LZTFL1: variants seen among roughly 807,000 people sequenced by gnomAD.
The protein encoded by LZTFL1 is leucine zipper transcription factor like 1.
Under a neutral mutation model 45.9 loss-of-function variants are expected in LZTFL1, and 25 were observed. The observed-to-expected ratio is 0.54, with a 90% CI of 0.40 to 0.76. LZTFL1 has a LOEUF of 0.76. LZTFL1 is among the 30% of genes least tolerant of loss of function. The probability of loss-of-function intolerance (pLI) is 0.00; values close to 1 mark genes in which losing one functional copy is unlikely to be tolerated. For missense variants in LZTFL1, 277 were observed against 331.1 expected, an observed-to-expected ratio of 0.84 and a Z score of 1.27; for synonymous variants, 93 against 117.4, an observed-to-expected ratio of 0.79 and a Z score of 1.35.
rs1047753659 is a variant in LZTFL1 at position 45,841,884 on chromosome 3, C to T, written c.3+105G>A. The T allele has an allele frequency of 4.1e-6, 6 of 1,446,420 alleles. No individual in the cohort carries two copies. In the African/African-American group the frequency reaches 8.4e-5, roughly 20 times the overall value. The allele number at this position is 1,446,420 out of a possible 1,614,324, so 89.6% of individuals were successfully genotyped here. A position where few individuals can be genotyped will look rare whatever the true frequency, so the allele number is the denominator to read the frequency against. On this transcript the variant is annotated intron_variant, in intron 1 of 9. Coordinates refer to ENST00000296135, the MANE Select transcript of LZTFL1 (RefSeq NM_020347.4). ...TCAGGGAGGCTGAGGTGCGGCCAGA[C>T]CCAACGAGGCCACGTAATCATTCCG...
chr3:45,852,414 A>G (rs1379890201), intron 4 of LZTFL1, among the ~76,000 whole-genome samples: 1 of 152,256 alleles, frequency 6.6e-6, no homozygotes, highest in Non-Finnish European at 1.5e-5. Context: ...GTCTTGAGAT[A>G]GTTTAAATGA....
upstream of LZTFL1, chr3:45,842,300 G>T: frequency 1.4e-6 from 1 of 733,486 alleles, no homozygotes; most frequent in South Asian, 1.9e-5. Flanking sequence ...GTTGCAGAAG[G>T]TAGCGGGAGG....
intron 2 of LZTFL1, chr3:45,886,359 A>G (rs1701980982): frequency 6.6e-6 from 1 of 152,232 alleles, no homozygotes; most frequent in African/African-American, 2.4e-5. Context: ...TCTTCAGATG[A>G]GACAGTTTCC....
intron 2 of LZTFL1, among the ~76,000 whole-genome samples, chr3:45,899,064 G>C (rs1036851082): frequency 6.6e-6 from 1 of 152,220 alleles, no homozygotes; most frequent in Non-Finnish European, 1.5e-5. Context: ...TACTCAGGAG[G>C]CTGAGGCAGG....
Position 45,865,006 on chromosome 3 carries a change from C to T in LZTFL1, c.-214-5990G>A, listed in dbSNP as rs144091196. 3.3e-4 allele frequency among the ~76,000 whole-genome samples: 51 copies of T among 152,296 alleles called. 1 individual carries two copies. The highest frequency in any genetic ancestry group is 6.8e-3 in the Middle Eastern group (2 of 294). ...GGAAAGGCAATTCTGCTCTGAGGAA[C>T]GTGAAACAAGCATAAACCGAATGTG... On this transcript the variant is annotated intron_variant, in intron 2 of 4. Coordinates refer to the LZTFL1 transcript ENST00000472635.
chr3:45,861,224 A>G (rs1221760844), intron 2 of LZTFL1, among the ~76,000 whole-genome samples: 2 of 151,892 alleles, frequency 1.3e-5, no homozygotes, highest in African/African-American at 2.4e-5. Context: ...AAAAAAAAAA[A>G]AACCCCAAAA....
intron 1 of LZTFL1, chr3:45,841,638 G>T (rs1701117262): frequency 2.5e-6 from 1 of 406,906 alleles, no homozygotes; most frequent in African/African-American, 2.0e-5. Flanking sequence ...TTGAAATAGA[G>T]TTAAGAACCC....
rs12721497 is a variant in LZTFL1 at position 45,901,638 on chromosome 3, A to G, written c.-215+11482T>C. ...GGTGCAGACCATTGACGCCTATGCC[A>G]TGTTCATCTCCAACTGTGCCGTTTC... On this transcript the variant is annotated intron_variant, in intron 2 of 4. Transcript: ENST00000472635. The surrounding 1 kb of genome is among the most constrained non-coding windows in gnomAD (Gnocchi z 4.3). The G allele has an allele frequency of 1.9e-3, 3,002 of 1,614,184 alleles. 15 individuals carry two copies. The highest frequency in any genetic ancestry group is 0.015 in the African/African-American group (1,146 of 75,042).
chr3:45,881,560 T>C (rs570854388), intron 2 of LZTFL1, among the ~76,000 whole-genome samples: 5 of 152,338 alleles, frequency 3.3e-5, no homozygotes, highest in Admixed American at 2.6e-4. Flanking sequence ...CTTCAAGGGC[T>C]ATTCATGGTA....
intron 2 of LZTFL1, among the ~76,000 whole-genome samples, chr3:45,884,867 G>A (rs1701938444): frequency 6.6e-6 from 1 of 152,158 alleles, no homozygotes; most frequent in African/African-American, 2.4e-5. Flanking sequence ...GTCTTTATTT[G>A]CCAAGTGAGA....
At chr3:45,895,149 T>C in intron 2 of LZTFL1, 2 of 627,246 alleles carry the variant, frequency 3.2e-6, no homozygotes, top group South Asian at 1.9e-5. Flanking sequence ...AAGAGGCAGC[T>C]ATGCTTTGGG....
At chr3:45,833,375 T>C (rs759885784) in intron 4 of LZTFL1, among the ~76,000 whole-genome samples, 28 of 152,076 alleles carry the variant, frequency 1.8e-4, no homozygotes, top group Non-Finnish European at 3.7e-4. Context: ...TTTAAAAATA[T>C]ATAGATAGAA....
chr3:45,834,440 T>C (rs1299756688), intron 3 of LZTFL1, 142 bp from the exon 4 acceptor site: 13 of 538,932 alleles, frequency 2.4e-5, no homozygotes, highest in Non-Finnish European at 4.0e-5. Context: ...ATATCAAAAA[T>C]GTTAGTTGCA....
In LZTFL1 at chr3:45,900,305, C is replaced by G. The variant is rs1388597899; in HGVS notation, c.-215+12815G>C. ...TGTATGTGGGTGTATGCTGGTGCTC[C>G]CGGAGCTTTCAGGAAACTCAGGGGA... On this transcript the variant is annotated intron_variant, in intron 2 of 4. Coordinates refer to the LZTFL1 transcript ENST00000472635. The surrounding 1 kb of genome is among the most constrained non-coding windows in gnomAD (Gnocchi z 4.7). Among the ~76,000 whole-genome samples the G allele has an allele frequency of 6.6e-6, 1 of 151,978 alleles. No homozygotes were observed. Among genetic ancestry groups the G allele is most frequent in the African/African-American group, 2.4e-5 (1 of 41,378 alleles).
intron 1 of LZTFL1, among the ~76,000 whole-genome samples, chr3:45,913,337 T>TG (rs1702837560): frequency 6.6e-6 from 1 of 152,124 alleles, no homozygotes; most frequent in African/African-American, 2.4e-5. Flanking sequence ...TCCACACCTT[T>TG]GACAATCTGA....
intron 2 of LZTFL1, among the ~76,000 whole-genome samples, chr3:45,865,734 G>C (rs1346699211): frequency 6.6e-6 from 1 of 152,160 alleles, no homozygotes; most frequent in East Asian, 1.9e-4. Context: ...AAAACAGTTT[G>C]GCAGTTCCTC....
rs1031153370 is a variant in LZTFL1, at chr3:45,906,974, T to C, written c.-215+6146A>G. Among the ~76,000 whole-genome samples, 3 of 152,212 alleles carry C rather than the reference T, an allele frequency of 2.0e-5. No homozygotes were observed. In the East Asian group the frequency reaches 5.8e-4, roughly 29 times the overall value. On this transcript the variant is annotated intron_variant, in intron 2 of 4. Transcript: ENST00000472635. ...AGATGTGGCTTTAGGTCAGATTCCC[T>C]GTGCGGGATCCAGGCATTACTCACT...
In LZTFL1 at chr3:45,901,612, T is replaced by C; in HGVS notation, c.-215+11508A>G. 3 of 1,614,252 alleles carry C rather than the reference T, an allele frequency of 1.9e-6. No individual in the cohort carries two copies. The highest frequency in any genetic ancestry group is 2.5e-6 in the Non-Finnish European group (3 of 1,180,032). On this transcript the variant is annotated intron_variant, in intron 2 of 4. Transcript: ENST00000472635. The surrounding 1 kb of genome is among the most constrained non-coding windows in gnomAD (Gnocchi z 4.3). ...CAGTTTCCCTACAACTGCATTTTGT[T>C]GGTGCAGACCATTGACGCCTATGCC...
chr3:45,832,566 T>TG (rs1401330947), intron 5 of LZTFL1: 1 of 147,914 alleles, frequency 6.8e-6, no homozygotes, highest in African/African-American at 2.5e-5. Flanking sequence ...GATAAATAAT[T>TG]TTTTTTTTTT....
Sources: gnomAD v4.1 joint callset for allele counts (sites outside exome capture counted in the v4.1 genomes callset) on GRCh38, gnomAD v4.1.1 for gene constraint, Gnocchi (gnomAD v3.1) non-coding constraint, MANE v1.5 for transcripts, NCBI Gene and HGNC (gene_info 2026-07-23, HGNC 2026-07-21) for gene names.